Variants in TMEM131 observed in about 807,000 individuals in gnomAD.
TMEM131 encodes 2610524E03Rik.
TMEM131 carries 66 observed loss-of-function variants against 211.6 expected under a neutral mutation model. That is an observed-to-expected ratio of 0.31 (90% CI 0.26 to 0.38). TMEM131 has a LOEUF of 0.38. Among genes scored for constraint, TMEM131 ranks in the 10% least tolerant of loss-of-function variants. TMEM131 has a pLI of 1.00. For missense variants in TMEM131, 2,036 were observed against 2,299.3 expected (o/e 0.89, Z 2.34); for synonymous variants, 844 against 841.3 (o/e 1.00, Z -0.06).
chr2:97,949,660 A>G (rs1035436587), intron 1 of TMEM131, among the ~76,000 whole-genome samples: 7 of 151,604 alleles, frequency 4.6e-5, no homozygotes, highest in African/African-American at 1.7e-4. Context: ...GAAAAAAAAA[A>G]TACAAAAAAA....
chr2:97,979,140 A>G (rs1239299967), intron 1 of TMEM131, among the ~76,000 whole-genome samples: 1 of 152,202 alleles, frequency 6.6e-6, no homozygotes, highest in East Asian at 1.9e-4. Flanking sequence ...GTGGGCTTAA[A>G]ATATTCAGTA....
At chr2:97,765,241 C>T (rs1453944479) in intron 35 of TMEM131, 1 of 152,216 alleles carries the variant, frequency 6.6e-6, no homozygotes, top group East Asian at 1.9e-4. Context: ...TCTCAGAGAG[C>T]ATCTCTTTCC....
intron 1 of TMEM131, among the ~76,000 whole-genome samples, chr2:97,952,347 G>A (rs756522086): frequency 6.6e-6 from 1 of 152,056 alleles, no homozygotes; most frequent in African/African-American, 2.4e-5. Flanking sequence ...TTTGGTGAAA[G>A]ACATAAACTT....
chr2:97,884,098 C>T (rs566961652), intron 4 of TMEM131, among the ~76,000 whole-genome samples: 48 of 151,888 alleles, frequency 3.2e-4, no homozygotes, highest in Non-Finnish European at 5.1e-4. Context: ...TTGCTGTGCC[C>T]CATAGGTTTT....
intron 4 of TMEM131, among the ~76,000 whole-genome samples, chr2:97,883,987 T>C (rs774163837): frequency 6.6e-6 from 1 of 152,202 alleles, no homozygotes; most frequent in Non-Finnish European, 1.5e-5. Flanking sequence ...TTTGTTCTTT[T>C]CTAGTTCTTT....
intron 1 of TMEM131, among the ~76,000 whole-genome samples, chr2:97,941,811 A>G (rs1677743808): frequency 6.6e-6 from 1 of 152,190 alleles, no homozygotes; most frequent in Non-Finnish European, 1.5e-5. Flanking sequence ...TGATTATTCA[A>G]AAGTCAGGAA....
chr2:97,884,304 T>A (rs950856160), intron 4 of TMEM131, among the ~76,000 whole-genome samples: 12 of 152,322 alleles, frequency 7.9e-5, no homozygotes, highest in Admixed American at 3.3e-4. Flanking sequence ...AAAATTAATT[T>A]AAAAAAATTT....
chr2:97,858,706 C>T (rs1224411528), intron 5 of TMEM131, among the ~76,000 whole-genome samples: 3 of 152,096 alleles, frequency 2.0e-5, no homozygotes, highest in African/African-American at 7.2e-5. Context: ...ATGGATGGCC[C>T]GTGAGAAGGA....
intron 4 of TMEM131, among the ~76,000 whole-genome samples, chr2:97,860,869 A>C (rs535460723): frequency 3.5e-4 from 54 of 152,350 alleles, no homozygotes; most frequent in Admixed American, 6.5e-4. Context: ...TATCACTGAA[A>C]GAGGCAATGA....
intron 1 of TMEM131, among the ~76,000 whole-genome samples, chr2:97,962,782 C>G (rs991955036): frequency 6.6e-6 from 1 of 152,132 alleles, no homozygotes; most frequent in African/African-American, 2.4e-5. Flanking sequence ...TGAAACAACC[C>G]AGAAATCTAT....
chr2:97,813,380 A>G (rs1027018125), intron 15 of TMEM131, among the ~76,000 whole-genome samples: 2 of 152,144 alleles, frequency 1.3e-5, no homozygotes, highest in African/African-American at 2.4e-5. Context: ...CTTTCTTTTT[A>G]TCTTTCCTAA....
chr2:97,786,381 T>TA (rs1172913250), intron 31 of TMEM131, among the ~76,000 whole-genome samples: 1 of 151,688 alleles, frequency 6.6e-6, no homozygotes, highest in African/African-American at 2.4e-5. Flanking sequence ...AAAATAAAAA[T>TA]AAAAAAATTA....
intron 3 of TMEM131, among the ~76,000 whole-genome samples, chr2:97,899,366 T>C (rs1675752999): frequency 1.3e-5 from 2 of 152,110 alleles, no homozygotes; most frequent in African/African-American, 4.8e-5. Flanking sequence ...ATATCTCCAA[T>C]ATATAAAGAA....
chr2:97,908,107 G>C (rs141084666), intron 3 of TMEM131, among the ~76,000 whole-genome samples: 6 of 152,174 alleles, frequency 3.9e-5, no homozygotes, highest in Admixed American at 2.6e-4. Flanking sequence ...ATGTGAGAAG[G>C]TATCAAAAGA....
Position 97,760,963 on chromosome 2 carries a change from G to A in TMEM131, c.4890-49C>T. ...ACTCATTCCTCATCAGCAGTGCCCT[G>A]TCTCGGGGAGGTGTGGGGCTGGCAG... is the stretch of plus-strand genomic sequence containing the variant. On this transcript the variant is annotated intron_variant, in intron 36 of 40. Transcript: ENST00000186436. 1.9e-6 allele frequency: 3 copies of A among 1,605,830 alleles called. No homozygotes were observed. In the South Asian group the frequency reaches 3.3e-5, roughly 18 times the overall value.
intron 18 of TMEM131, among the ~76,000 whole-genome samples, chr2:97,810,091 A>C (rs1375597788): frequency 6.6e-6 from 1 of 152,202 alleles, no homozygotes. Context: ...AATACAAATA[A>C]TCTATAAAAA....
chr2:97,928,354 A>C (rs1677076571), intron 1 of TMEM131, among the ~76,000 whole-genome samples: 1 of 152,080 alleles, frequency 6.6e-6, no homozygotes, highest in South Asian at 2.1e-4. Context: ...TAAGTGAAGC[A>C]CAAATATATT....
intron 1 of TMEM131, among the ~76,000 whole-genome samples, chr2:97,952,026 G>A (rs994077691): frequency 6.6e-6 from 1 of 151,864 alleles, no homozygotes; most frequent in Non-Finnish European, 1.5e-5. Flanking sequence ...GTGTGGTGGC[G>A]CACGCCTGTA....
chr2:97,807,834 A>G (rs1432323339), intron 19 of TMEM131, among the ~76,000 whole-genome samples: 1 of 12,836 alleles, frequency 7.8e-5, no homozygotes, highest in Non-Finnish European at 2.9e-4. Flanking sequence ...ATAAATAACG[A>G]AGAGTTTAGT....
Sources: allele counts gnomAD v4.1 joint callset (sites outside exome capture counted in the v4.1 genomes callset), GRCh38; gene constraint gnomAD v4.1.1; transcripts MANE v1.5; gene names NCBI Gene and HGNC (gene_info 2026-07-23, HGNC 2026-07-21).